Variants in LSAMP observed in about 807,000 individuals in gnomAD.
LSAMP encodes the protein limbic system associated membrane protein.
LSAMP carries 7 observed loss-of-function variants against 38.6 expected under a neutral mutation model. That is an observed-to-expected ratio of 0.18 (90% CI 0.10 to 0.34). The LOEUF is 0.34. LSAMP is among the 10% of genes least tolerant of loss of function. LSAMP has a pLI of 1.00. For synonymous variants in LSAMP, 154 were observed against 166.8 expected (o/e 0.92, Z 0.59); for missense variants, 313 against 420.0 (o/e 0.75, Z 2.23).
chr3:116,253,255 TACTG>T (rs772779160), intron 1 of LSAMP, among the ~76,000 whole-genome samples: 5 of 152,114 alleles, frequency 3.3e-5, no homozygotes, highest in Admixed American at 6.6e-5. Context: ...CATTTGCACA[TACTG>T]ACCAACGTGA....
intron 1 of LSAMP, among the ~76,000 whole-genome samples, chr3:116,328,134 G>A (rs1218357316): frequency 6.6e-6 from 1 of 152,130 alleles, no homozygotes; most frequent in Non-Finnish European, 1.5e-5. Flanking sequence ...TGGATAGAAG[G>A]AAAACTAGTA....
chr3:116,392,387 T>C (rs7619907), intron 1 of LSAMP, among the ~76,000 whole-genome samples: 23,774 of 152,048 alleles, frequency 0.16, 2,177 homozygotes, highest in African/African-American at 0.25. Context: ...AATCTCAGAG[T>C]AAAGTCAGGG....
chr3:116,240,309 C>T (rs2046516082), intron 1 of LSAMP, among the ~76,000 whole-genome samples: 1 of 152,100 alleles, frequency 6.6e-6, no homozygotes, highest in African/African-American at 2.4e-5. Flanking sequence ...AGTGAGAAAA[C>T]CATGTCAGTG....
chr3:116,064,769 T>C (rs563220220), intron 2 of LSAMP, among the ~76,000 whole-genome samples: 4 of 152,290 alleles, frequency 2.6e-5, no homozygotes, highest in African/African-American at 9.6e-5. Context: ...TATTGTTGCA[T>C]TCTTTATAGA....
At chr3:116,129,534 G>T (rs1576381272) in intron 1 of LSAMP, among the ~76,000 whole-genome samples, 1 of 152,150 alleles carries the variant, frequency 6.6e-6, no homozygotes, top group East Asian at 1.9e-4. Context: ...GAAGGGTATG[G>T]CCCAGCTTGT....
At chr3:115,855,860 TC>T (rs35597838) in intron 3 of LSAMP, among the ~76,000 whole-genome samples, 2 of 152,168 alleles carry the variant, frequency 1.3e-5, no homozygotes, top group Non-Finnish European at 2.9e-5. Context: ...CCCTGGGCCC[TC>T]CCTGTTGTCA....
chr3:116,237,431 A>G (rs2046479727), intron 1 of LSAMP, among the ~76,000 whole-genome samples: 3 of 152,162 alleles, frequency 2.0e-5, no homozygotes, highest in Admixed American at 2.0e-4. Context: ...AAGTGAAAAA[A>G]TCAGGAGACA....
intron 3 of LSAMP, among the ~76,000 whole-genome samples, chr3:115,898,308 C>T (rs192118820): frequency 6.6e-6 from 1 of 152,142 alleles, no homozygotes; most frequent in Non-Finnish European, 1.5e-5. Flanking sequence ...CTGTACATTT[C>T]CAAAAGATAA....
chr3:116,391,260 G>A (rs2048691458), intron 1 of LSAMP, among the ~76,000 whole-genome samples: 1 of 151,900 alleles, frequency 6.6e-6, no homozygotes, highest in Non-Finnish European at 1.5e-5. Context: ...GCAGCTGCGG[G>A]AGCAGCAGTG....
chr3:116,083,445 G>C lies in LSAMP; in HGVS notation c.388+2879C>G, dbSNP rs115004533. Among the ~76,000 whole-genome samples the C allele has an allele frequency of 2.9e-3, 447 of 152,256 alleles. 4 individuals carry two copies. Among genetic ancestry groups the C allele is most frequent in the African/African-American group, 0.01 (431 of 41,554 alleles). On this transcript the variant is annotated intron_variant, in intron 2 of 6. Transcript: ENST00000490035. ...AAACTGAGCCTTAGAGAAATTAAGTGGTTTACCCCCAAAGTGTATTTAAAC... is the reference window on the plus strand; with the variant it reads ...AAACTGAGCCTTAGAGAAATTAAGTCGTTTACCCCCAAAGTGTATTTAAAC...
intron 1 of LSAMP, among the ~76,000 whole-genome samples, chr3:116,179,751 C>A (rs1202172804): frequency 6.6e-6 from 1 of 152,138 alleles, no homozygotes; most frequent in Non-Finnish European, 1.5e-5. Context: ...CACCAGGCCC[C>A]TCTTCCAACA....
intron 2 of LSAMP, among the ~76,000 whole-genome samples, chr3:116,026,116 A>G (rs1472198262): frequency 1.3e-5 from 2 of 152,108 alleles, no homozygotes; most frequent in Non-Finnish European, 1.5e-5. Context: ...GTAAAAATTT[A>G]ATGGTGATTT....
At chr3:116,352,074 C>T (rs933689307) in intron 1 of LSAMP, among the ~76,000 whole-genome samples, 7 of 152,002 alleles carry the variant, frequency 4.6e-5, no homozygotes, top group South Asian at 4.1e-4. Flanking sequence ...ACCGCTTCAC[C>T]GTATGTACAG....
intron 2 of LSAMP, 91 bp from the exon 3 acceptor site, chr3:116,019,731 A>G: frequency 7.2e-7 from 1 of 1,390,634 alleles, no homozygotes; most frequent in Non-Finnish European, 1.0e-6. Context: ...TCAAGGTTTT[A>G]TAACTTAATT....
intron 1 of LSAMP, among the ~76,000 whole-genome samples, chr3:116,357,370 G>C (rs1373390020): frequency 1.3e-5 from 2 of 152,200 alleles, no homozygotes; most frequent in Middle Eastern, 6.8e-3. Context: ...AATTTTCTTT[G>C]AGAAATAGGA....
chr3:116,079,631 CA>C (rs34038261), intron 2 of LSAMP, among the ~76,000 whole-genome samples: 17,927 of 86,042 alleles, frequency 0.21, 769 homozygotes, highest in African/African-American at 0.29. Flanking sequence ...GACTCTGTCT[CA>C]AAAAAAAAAA....
chr3:116,316,778 G>GA (rs35294836), intron 1 of LSAMP, among the ~76,000 whole-genome samples: 79,209 of 119,418 alleles, frequency 0.66, 25,410 homozygotes, highest in East Asian at 0.81. Context: ...CTCAAAAAAA[G>GA]AAAAAAAAAA....
intron 1 of LSAMP, among the ~76,000 whole-genome samples, chr3:116,140,353 T>G (rs1709344037): frequency 6.6e-6 from 1 of 151,970 alleles, no homozygotes; most frequent in Admixed American, 6.6e-5. Flanking sequence ...GGGCCATATT[T>G]TAACAGACAC....
chr3:116,156,517 G>A (rs1215959372), intron 1 of LSAMP, among the ~76,000 whole-genome samples: 2 of 152,126 alleles, frequency 1.3e-5, no homozygotes, highest in Non-Finnish European at 2.9e-5. Flanking sequence ...GACAGAAAGT[G>A]TGATGTGATG....
Sources: gnomAD v4.1 joint callset for allele counts (sites outside exome capture counted in the v4.1 genomes callset) on GRCh38, gnomAD v4.1.1 for gene constraint, MANE v1.5 for transcripts, NCBI Gene and HGNC (gene_info 2026-07-23, HGNC 2026-07-21) for gene names.